The following PFKFB1 variants were observed in gnomAD, a reference collection of about 807,000 sequenced individuals.
PFKFB1 encodes the protein 6-phosphofructo-2-kinase/fructose-2,6-biphosphatase 1, also known as 6-phosphofructo-2-kinase/fructose-2,6-bisphosphatase 1.
Under a neutral mutation model 46.4 loss-of-function variants are expected in PFKFB1, and 34 were observed. That is an observed-to-expected ratio of 0.73 (90% CI 0.56 to 0.98). The LOEUF is 0.98. PFKFB1 is among the 50% of genes least tolerant of loss of function. The pLI, the probability that PFKFB1 is intolerant of heterozygous loss-of-function variation, is 0.00. For synonymous variants in PFKFB1, 119 were observed against 133.8 expected (o/e 0.89, Z 0.76); for missense variants, 393 against 376.3 (o/e 1.04, Z -0.37).
At chrX:54,941,483 A>T (rs1033207651) in intron 10 of PFKFB1, among the ~76,000 whole-genome samples, 261 of 112,175 alleles carry the variant, frequency 2.3e-3, no homozygotes, top group Non-Finnish European at 4.4e-3. Context: ...AAATTTTTGC[A>T]ATCTACTCAT....
At chrX:54,966,596 G>C (rs1934481892) in intron 1 of PFKFB1, among the ~76,000 whole-genome samples, 1 of 111,866 alleles carries the variant, frequency 8.9e-6, no homozygotes, top group Admixed American at 9.5e-5. Context: ...AGAAGCAATA[G>C]TGGCCCAGAA....
intron 1 of PFKFB1, among the ~76,000 whole-genome samples, chrX:54,991,467 T>G (rs911644815): frequency 3.6e-5 from 4 of 110,633 alleles, no homozygotes; most frequent in African/African-American, 1.3e-4. Context: ...TCAAATTGAC[T>G]GATTTACAGA....
At chrX:54,983,364 C>T (rs867689456) in intron 1 of PFKFB1, among the ~76,000 whole-genome samples, 1 of 110,944 alleles carries the variant, frequency 9.0e-6, no homozygotes, top group Non-Finnish European at 1.9e-5. Context: ...TGTGTTGTTC[C>T]CCTCTATGTC....
Position 54,948,394 on chromosome X carries a change from G to A in PFKFB1, c.993+681C>T, listed in dbSNP as rs139139393. On this transcript the variant is annotated intron_variant, in intron 9 of 13. Transcript: ENST00000375006. ...AAGTTTCCACACATGCCCAGAGTGG[G>A]CTTTTTTGAAAAATGTGCAACACAT... 1.8e-3 allele frequency among the ~76,000 whole-genome samples: 198 copies of A among 112,192 alleles called. 3 individuals carry two copies. The East Asian group carries it at 0.048, about 27-fold the overall frequency.
chrX:54,973,362 T>G (rs1331215702), intron 1 of PFKFB1, among the ~76,000 whole-genome samples: 3 of 111,448 alleles, frequency 2.7e-5, no homozygotes, highest in African/African-American at 9.8e-5. Flanking sequence ...CTGATCTTAG[T>G]TATTTCTTGC....
chrX:54,978,528 G>A (rs1425726285), intron 1 of PFKFB1, among the ~76,000 whole-genome samples: 2 of 111,547 alleles, frequency 1.8e-5, no homozygotes, highest in Non-Finnish European at 3.8e-5. Context: ...TTATTACAGT[G>A]TTTTTAATAA....
chrX:54,956,351 C>A (rs1418800950), intron 6 of PFKFB1, 77 bp from the exon 7 acceptor site: 1 of 1,111,661 alleles, frequency 9.0e-7, no homozygotes. Context: ...CCCTTAGAGA[C>A]CATTGAGTAC....
intron 10 of PFKFB1, among the ~76,000 whole-genome samples, chrX:54,941,879 T>C (rs111304481): frequency 6.3e-5 from 7 of 111,727 alleles, no homozygotes; most frequent in South Asian, 3.7e-4. Context: ...TTGACCCAGC[T>C]ATCCCATTAC....
intron 1 of PFKFB1, among the ~76,000 whole-genome samples, chrX:54,986,427 A>T (rs1190822831): frequency 8.9e-6 from 1 of 112,697 alleles, no homozygotes; most frequent in Non-Finnish European, 1.9e-5. Flanking sequence ...ATGTTCAAAA[A>T]CATTACTAGA....
At chrX:54,951,842 T>C in intron 8 of PFKFB1, 63 bp downstream of exon 8, 5 of 986,191 alleles carry the variant, frequency 5.1e-6, no homozygotes, top group Non-Finnish European at 7.0e-6. Flanking sequence ...TGGCCACCAC[T>C]ACACCTGCAG....
chrX:54,952,117 G>C lies in PFKFB1; in HGVS notation c.639-5C>G, dbSNP rs773039614. On this transcript the variant is annotated splice_region_variant and splice_polypyrimidine_tract_variant and intron_variant, in intron 7 of 13. Coordinates refer to ENST00000375006, the MANE Select transcript of PFKFB1 (RefSeq NM_002625.4). ...ATCTTGATGTAGGACAGGTGGCTGG[G>C]CCAGACCCAAGCAGGAGCAAGGGCA... The C allele has an allele frequency of 6.3e-5, 76 of 1,202,156 alleles. No individual in the cohort carries two copies. Among genetic ancestry groups the C allele is most frequent in the Non-Finnish European group, 7.8e-5 (69 of 889,254 alleles).
chrX:54,956,980 T>C (rs1001731130), intron 6 of PFKFB1, among the ~76,000 whole-genome samples: 2 of 112,216 alleles, frequency 1.8e-5, no homozygotes, highest in African/African-American at 6.5e-5. Context: ...GTATTTCTAA[T>C]ATGAACATCT....
At chrX:54,992,037 C>T (rs1302238147) in intron 1 of PFKFB1, among the ~76,000 whole-genome samples, 2 of 111,434 alleles carry the variant, frequency 1.8e-5, no homozygotes, top group Non-Finnish European at 3.8e-5. Context: ...CAGACATTGT[C>T]CAGACTTGGC....
At chrX:54,939,070 G>C (rs1933513714) in intron 10 of PFKFB1, among the ~76,000 whole-genome samples, 1 of 111,745 alleles carries the variant, frequency 8.9e-6, no homozygotes, top group Admixed American at 9.5e-5. Context: ...CAAACTAGAA[G>C]AACTCAGGAT....
chrX:54,973,568 T>C (rs768026654), intron 1 of PFKFB1, among the ~76,000 whole-genome samples: 28 of 111,700 alleles, frequency 2.5e-4, no homozygotes, highest in Non-Finnish European at 4.5e-4. Flanking sequence ...TCAAAGAACA[T>C]CTTTATTTCT....
chrX:54,945,574 T>A, intron 9 of PFKFB1, 31 bp from the exon 10 acceptor site: 1 of 917,792 alleles, frequency 1.1e-6, no homozygotes, highest in Non-Finnish European at 1.6e-6. Context: ...GCGAAAGTAT[T>A]CACAAGATGA....
Position 54,959,678 on chromosome X carries a change from C to T in PFKFB1, c.384+149G>A, listed in dbSNP as rs924042396. ...CTGAATTGGGGCATAATAACAACAC[C>T]TATCTCAAGGGGGGAGCATAAAATT... On this transcript the variant is annotated intron_variant, in intron 4 of 13. Coordinates refer to ENST00000375006, the MANE Select transcript of PFKFB1 (RefSeq NM_002625.4). 3 of 448,026 alleles carry T rather than the reference C, an allele frequency of 6.7e-6. No homozygotes were observed. The African/African-American group carries it at 7.4e-5, about 11-fold the overall frequency. 36.9% of individuals were successfully genotyped at this position (448,026 alleles called of 1,213,427 possible). A position where few individuals can be genotyped will look rare whatever the true frequency, so the allele number is the denominator to read the frequency against.
At chrX:54,955,580 C>A (rs749063315) in intron 7 of PFKFB1, among the ~76,000 whole-genome samples, 25 of 110,927 alleles carry the variant, frequency 2.3e-4, no homozygotes, top group Non-Finnish European at 3.0e-4. Flanking sequence ...CCTACATATA[C>A]CACAGCCCAA....
chrX:54,954,691 T>C (rs1243722955), intron 7 of PFKFB1, among the ~76,000 whole-genome samples: 2 of 111,945 alleles, frequency 1.8e-5, no homozygotes, highest in Non-Finnish European at 3.8e-5. Flanking sequence ...GTTGGTTTAC[T>C]GTCACCAGAG....
Sources: gnomAD v4.1 joint callset for allele counts (sites outside exome capture counted in the v4.1 genomes callset) on GRCh38, gnomAD v4.1.1 for gene constraint, MANE v1.5 for transcripts, NCBI Gene and HGNC (gene_info 2026-07-23, HGNC 2026-07-21) for gene names.